The following RASEF variants were observed in gnomAD, a reference collection of about 807,000 sequenced individuals.
RASEF encodes the protein RAS and EF-hand domain containing.
RASEF carries 68 observed loss-of-function variants against 90.1 expected under a neutral mutation model. The ratio of observed to expected loss-of-function variants is 0.75; its 90% CI spans 0.62 to 0.92. The LOEUF (loss-of-function observed/expected upper bound fraction) is 0.92. Among genes scored for constraint, RASEF ranks in the 40% least tolerant of loss-of-function variants. The pLI is 0.00. For synonymous variants in RASEF, 331 were observed against 345.2 expected, an observed-to-expected ratio of 0.96 and a Z score of 0.46; for missense variants, 949 against 937.2, an observed-to-expected ratio of 1.01 and a Z score of -0.16.
At chr9:83,028,847 C>A (rs1213266444) in intron 1 of RASEF, among the ~76,000 whole-genome samples, 1 of 151,996 alleles carries the variant, frequency 6.6e-6, no homozygotes, top group African/African-American at 2.4e-5. Flanking sequence ...AGTTAAAATG[C>A]GGTCATTAGA....
chr9:83,003,353 T>C (rs774050337), intron 9 of RASEF, among the ~76,000 whole-genome samples: 45 of 152,170 alleles, frequency 3.0e-4, no homozygotes, highest in Admixed American at 8.5e-4. Context: ...CCCTAGAATC[T>C]TTCGTTGATG....
intron 9 of RASEF, among the ~76,000 whole-genome samples, chr9:83,002,574 T>C (rs1829060868): frequency 6.6e-6 from 1 of 151,394 alleles, no homozygotes; most frequent in Admixed American, 6.6e-5. Flanking sequence ...ATTGCCAATA[T>C]ATTATTGCAT....
At chr9:83,060,424 C>T (rs115282942) in intron 1 of RASEF, among the ~76,000 whole-genome samples, 3,040 of 152,256 alleles carry the variant, frequency 0.02, 92 homozygotes, top group African/African-American at 0.069. Flanking sequence ...GATGAAGTTG[C>T]TGGAAAAATG....
intron 3 of RASEF, among the ~76,000 whole-genome samples, chr9:83,016,218 A>G (rs893251069): frequency 2.0e-5 from 3 of 152,232 alleles, no homozygotes; most frequent in Non-Finnish European, 2.9e-5. Context: ...AATTATTGCT[A>G]TAATTAGTTA....
the RASEF span, among the ~76,000 whole-genome samples, chr9:83,078,311 T>A: frequency 6.6e-5 from 10 of 152,186 alleles, no homozygotes; most frequent in Non-Finnish European, 1.2e-4. Flanking sequence ...GACCTCAGCC[T>A]GCCTTGATTT....
the RASEF span, among the ~76,000 whole-genome samples, chr9:83,159,101 G>C: frequency 6.6e-6 from 1 of 151,844 alleles, no homozygotes; most frequent in East Asian, 1.9e-4. Flanking sequence ...CAGGAGAATG[G>C]TGTAAACCCA....
chr9:83,092,492 G>A, the RASEF span, among the ~76,000 whole-genome samples: 1 of 151,604 alleles, frequency 6.6e-6, no homozygotes, highest in African/African-American at 2.4e-5. Context: ...CTCTTAGGGC[G>A]GCGCGTCTGG....
the RASEF span, among the ~76,000 whole-genome samples, chr9:83,180,276 T>C: frequency 0.016 from 2,368 of 152,224 alleles, 70 homozygotes; most frequent in African/African-American, 0.054. Flanking sequence ...ACCCTGCATC[T>C]TGGAATCAAA....
chr9:83,086,277 A>AT, the RASEF span, among the ~76,000 whole-genome samples: 7 of 152,074 alleles, frequency 4.6e-5, no homozygotes, highest in Middle Eastern at 3.4e-3. Flanking sequence ...TCGTAGATTC[A>AT]TTTTTTTTAT....
chr9:83,209,004 C>T, the RASEF span, among the ~76,000 whole-genome samples: 3 of 152,290 alleles, frequency 2.0e-5, no homozygotes, highest in Admixed American at 1.3e-4. Context: ...AGCTTCTGTG[C>T]CTCAGGGACA....
chr9:83,212,527 G>T, the RASEF span, among the ~76,000 whole-genome samples: 2 of 152,198 alleles, frequency 1.3e-5, no homozygotes, highest in South Asian at 4.1e-4. Context: ...GACAGTGTCG[G>T]TATATATAGA....
the RASEF span, among the ~76,000 whole-genome samples, chr9:83,194,239 A>G: frequency 6.6e-6 from 1 of 152,092 alleles, no homozygotes. Context: ...TTTAGTCTTC[A>G]TGTCTTCTTA....
the RASEF span, among the ~76,000 whole-genome samples, chr9:83,162,946 T>C: frequency 6.6e-6 from 1 of 152,156 alleles, no homozygotes; most frequent in Admixed American, 6.5e-5. Context: ...CAAAGAAAAA[T>C]ACCCTTGTGC....
chr9:83,208,846 C>G, the RASEF span, among the ~76,000 whole-genome samples: 1 of 152,150 alleles, frequency 6.6e-6, no homozygotes, highest in Non-Finnish European at 1.5e-5. Context: ...CAGATGATCT[C>G]AGATAACCCT....
the RASEF span, among the ~76,000 whole-genome samples, chr9:83,154,493 T>TGAGAAAACTCACAGC: frequency 8.5e-5 from 13 of 152,264 alleles, 1 homozygote; most frequent in Middle Eastern, 6.8e-3. Flanking sequence ...TGAGTCACAG[T>TGAGAAAACTCACAGC]GAGAAAACTC....
intron 2 of RASEF, among the ~76,000 whole-genome samples, chr9:83,025,408 C>T (rs556264544): frequency 5.5e-4 from 84 of 152,170 alleles, no homozygotes; most frequent in Non-Finnish European, 1.1e-3. Flanking sequence ...ATTAAGTAAC[C>T]TGCTCACAAA....
the RASEF span, among the ~76,000 whole-genome samples, chr9:83,076,963 A>G: frequency 2.0e-5 from 3 of 152,180 alleles, no homozygotes; most frequent in African/African-American, 7.2e-5. Context: ...TTTTTTCCAA[A>G]TATTTTTCAC....
chr9:83,043,702 C>T (rs1244906881), intron 1 of RASEF, among the ~76,000 whole-genome samples: 1 of 152,102 alleles, frequency 6.6e-6, no homozygotes, highest in Non-Finnish European at 1.5e-5. Context: ...ATCTCTTCTA[C>T]CTCAGTTCAG....
chr9:83,080,456 C>T, the RASEF span, among the ~76,000 whole-genome samples: 4 of 152,104 alleles, frequency 2.6e-5, no homozygotes, highest in East Asian at 5.8e-4. Context: ...ATATGTGGCC[C>T]GCACACACTA....
Sources: gnomAD v4.1 joint callset for allele counts (sites outside exome capture counted in the v4.1 genomes callset) on GRCh38, gnomAD v4.1.1 for gene constraint, MANE v1.5 for transcripts, NCBI Gene and HGNC (gene_info 2026-07-23, HGNC 2026-07-21) for gene names.